The following HTR2A variants were observed in gnomAD, a reference collection of about 807,000 sequenced individuals.
The protein encoded by HTR2A is 5-HT2 receptor.
A neutral mutation model predicts 31.0 loss-of-function variants in HTR2A; 14 were observed. That is an observed-to-expected ratio of 0.45 (90% CI 0.30 to 0.71). The LOEUF (loss-of-function observed/expected upper bound fraction) is 0.71, where lower values mean the gene tolerates loss of function less well. Ranked by LOEUF, HTR2A falls within the 30% of genes least tolerant of loss-of-function variation. The pLI, the probability that HTR2A is intolerant of heterozygous loss-of-function variation, is 0.09. For missense variants in HTR2A, 442 were observed against 573.3 expected, an observed-to-expected ratio of 0.77 and a Z score of 2.34; for synonymous variants, 209 against 225.2, an observed-to-expected ratio of 0.93 and a Z score of 0.64.
intron 3 of HTR2A, among the ~76,000 whole-genome samples, chr13:46,882,386 T>C (rs1950973823): frequency 6.6e-6 from 1 of 152,160 alleles, no homozygotes; most frequent in African/African-American, 2.4e-5. Context: ...ATGAAGTCTA[T>C]GGGGAAACAA....
chr13:46,884,628 C>T (rs1451911475), intron 3 of HTR2A, among the ~76,000 whole-genome samples: 1 of 152,172 alleles, frequency 6.6e-6, no homozygotes, highest in Non-Finnish European at 1.5e-5. Flanking sequence ...TGCACCACTG[C>T]ACTCCAGCCT....
Position 46,835,609 on chromosome 13 carries a change from A to G in HTR2A, c.644T>C (p.Leu215Pro), listed in dbSNP as rs1289458135. Residue 215 changes from leucine to proline, a missense_variant, in exon 4 of 4, where the codon CTA becomes CCA. Coordinates refer to ENST00000542664, the MANE Select transcript of HTR2A (RefSeq NM_000621.5). ...CTTAAAGACCTTCGAATCGTCCTGT[A>G]GCCCAAAGACTGGTATTGGCATGGA... The part of the protein sequence containing the change: ...GISMPIPVFG[L>P]QDDSKVFKEG... 2 of 1,613,794 alleles carry G rather than the reference A, an allele frequency of 1.2e-6. No homozygotes were observed. The highest frequency in any genetic ancestry group is 1.7e-5 in the Admixed American group (1 of 59,968).
In HTR2A at chr13:46,885,324, T is replaced by C. The variant is rs181702990; in HGVS notation, c.613+7066A>G. ...TACGAGGCAGGATGGCGGGAGAGTT[T>C]ATCACTCTACTTGGTATGGAGGGCG... is the stretch of plus-strand genomic sequence containing the variant. On this transcript the variant is annotated intron_variant, in intron 3 of 3. Coordinates refer to ENST00000542664, the MANE Select transcript of HTR2A (RefSeq NM_000621.5). 1.6e-4 allele frequency among the ~76,000 whole-genome samples: 24 copies of C among 152,272 alleles called. No homozygotes were observed. The East Asian group carries it at 3.5e-3, about 22-fold the overall frequency.
At chr13:46,894,234 G>A (rs551093119) in intron 2 of HTR2A, among the ~76,000 whole-genome samples, 4 of 152,210 alleles carry the variant, frequency 2.6e-5, no homozygotes, top group Admixed American at 2.6e-4. Flanking sequence ...TCAGAGCGGC[G>A]GCCGCCAGGG....
At position 46,895,728 on chromosome 13, in the gene HTR2A, C is replaced by A. The variant is rs763386955; in HGVS notation, c.179G>T (p.Cys60Phe). The change falls in exon 2 of 4, where the codon TGC (cysteine) becomes TTC (phenylalanine). Residue 60 changes from cysteine (C) to phenylalanine (F), a missense_variant. By Grantham distance (205) the Cys-to-Phe change is radical (BLOSUM62 -2). This residue lies in a region of HTR2A where 83 missense variants were observed against 84.8 expected (regional missense o/e 0.98). Transcript: ENST00000542664. The surrounding 1 kb of genome is among the most constrained non-coding windows in gnomAD (Gnocchi z 4.4). ...TAAGGAGAGACACGACGGTGAGAGG[C>A]ACCCTTCACAGGAAAGGTTGGTTCG... ...ENRTNLSCEGCLSPSCLSLLH... is the reference protein window; with the variant it reads ...ENRTNLSCEGFLSPSCLSLLH... 1.9e-6 allele frequency: 3 copies of A among 1,614,150 alleles called. No individual in the cohort carries two copies. Among genetic ancestry groups the A allele is most frequent in the Non-Finnish European group, 2.5e-6 (3 of 1,180,014 alleles).
At position 46,896,215 on chromosome 13, in the gene HTR2A, C is replaced by T. The variant is rs1214077756; in HGVS notation, c.-309G>A. ...TAGAGGTTGCAGGGTTTTTTTTGAG[C>T]GCTCGGGAAGATAAATGTCCTGGAC... is the stretch of plus-strand genomic sequence containing the variant. On this transcript the variant is annotated 5_prime_UTR_variant, in exon 2 of 4. Coordinates refer to ENST00000542664, the MANE Select transcript of HTR2A (RefSeq NM_000621.5). 6.1e-6 allele frequency: 7 copies of T among 1,146,648 alleles called. No individual in the cohort carries two copies. The highest frequency in any genetic ancestry group is 7.5e-6 in the Non-Finnish European group (7 of 934,752). 71.0% of individuals were successfully genotyped at this position (1,146,648 alleles called of 1,614,324 possible).
At position 46,833,351 on chromosome 13, in the gene HTR2A, ATTTTCTTT is replaced by A. The variant is rs1197121356; in HGVS notation, c.*1478_*1485del. Reference sequence around the variant, plus strand: ...TGACTAAGACCATTTCAGTTTAGTCATTTTCTTTTTTTCTTTCTTTTTTTTTGTGATAG... The same window carrying A: ...TGACTAAGACCATTTCAGTTTAGTCATTTTCTTTCTTTTTTTTTGTGATAG... On this transcript the variant is annotated 3_prime_UTR_variant, in exon 4 of 4. Coordinates refer to ENST00000542664, the MANE Select transcript of HTR2A (RefSeq NM_000621.5). 164 of 151,476 alleles carry A rather than the reference ATTTTCTTT, an allele frequency of 1.1e-3. 1 individual carries two copies. Among genetic ancestry groups the A allele is most frequent in the African/African-American group, 3.9e-3 (161 of 41,060 alleles). The allele number at this position is 151,476 out of a possible 1,614,324, so 9.4% of individuals were successfully genotyped here.
At position 46,835,242 on chromosome 13, in the gene HTR2A, G is replaced by T; in HGVS notation, c.1011C>A (p.Cys337Ter). Residue 337 changes from cysteine to a stop codon, truncating the protein, a stop_gained, in exon 4 of 4, where the codon TGC (cysteine) becomes TGA (stop). Transcript: ENST00000542664. LOFTEE classifies it high-confidence loss of function. ...CCATGATGTTTGTGATGAAGAAAGG[G>T]CACCACATCACCACAAACAGGAAGA... ...IVFFLFVVMW[C>*]PFFITNIMAV... is the part of the protein sequence containing the mutation. 1 of 1,614,072 alleles carries T rather than the reference G, an allele frequency of 6.2e-7. No homozygotes were observed. Among genetic ancestry groups the T allele is most frequent in the Non-Finnish European group, 8.5e-7 (1 of 1,180,004 alleles).
chr13:46,873,310 C>G (rs1277619658), intron 3 of HTR2A, among the ~76,000 whole-genome samples: 1 of 151,508 alleles, frequency 6.6e-6, no homozygotes, highest in Non-Finnish European at 1.5e-5. Context: ...ATATTTAATA[C>G]TTTCTGATCA....
chr13:46,872,575 AT>A, intron 3 of HTR2A, among the ~76,000 whole-genome samples: 1 of 152,278 alleles, frequency 6.6e-6, no homozygotes, highest in African/African-American at 2.4e-5. Flanking sequence ...ATGTCTGTTT[AT>A]TTGACCACTC....
At chr13:46,897,606 A>G (rs905460311), upstream of HTR2A, among the ~76,000 whole-genome samples, 19 of 152,164 alleles carry the variant, frequency 1.2e-4, no homozygotes, top group African/African-American at 4.1e-4. Flanking sequence ...AGTAATGACA[A>G]CTTGCCTTAC....
intron 3 of HTR2A, among the ~76,000 whole-genome samples, chr13:46,887,536 A>T (rs1261446645): frequency 1.3e-5 from 2 of 152,028 alleles, no homozygotes; most frequent in Non-Finnish European, 2.9e-5. Context: ...GAAAAGAGAA[A>T]TCCCTAGGTA....
At chr13:46,894,806 T>G (rs1951088575) in intron 2 of HTR2A, among the ~76,000 whole-genome samples, 1 of 152,180 alleles carries the variant, frequency 6.6e-6, no homozygotes, top group Non-Finnish European at 1.5e-5. Flanking sequence ...CCCTTCCCAT[T>G]TGTTTCCCAC....
At chr13:46,853,407 G>C (rs1255305151) in intron 3 of HTR2A, among the ~76,000 whole-genome samples, 2 of 152,246 alleles carry the variant, frequency 1.3e-5, no homozygotes, top group African/African-American at 4.8e-5. Context: ...AAGCCAGCAG[G>C]TTGCTCTCTT....
intron 3 of HTR2A, among the ~76,000 whole-genome samples, chr13:46,868,788 T>A (rs1359863706): frequency 6.6e-6 from 1 of 152,202 alleles, no homozygotes; most frequent in Non-Finnish European, 1.5e-5. Flanking sequence ...TTATATAATG[T>A]TATTTCTAAA....
intron 3 of HTR2A, among the ~76,000 whole-genome samples, chr13:46,872,368 AT>A (rs1482263997): frequency 1.3e-5 from 2 of 152,226 alleles, no homozygotes; most frequent in African/African-American, 4.8e-5. Flanking sequence ...AAGTGCTAAT[AT>A]TAACAAGCGT....
rs1160308755 is a variant in HTR2A, at chr13:46,895,575, T to TA, written c.331dup (p.Tyr111LeufsTer10). On this transcript the variant is annotated frameshift_variant, in exon 2 of 4. Transcript: ENST00000542664. LOFTEE classifies it high-confidence loss of function. The surrounding 1 kb of genome is among the most constrained non-coding windows in gnomAD (Gnocchi z 4.4). ...AGCTATGGCAAGTGACATCAGGAAA[T>TA]AGTTGGTGGCATTCTGCAGCTTTTT... 1 of 1,614,078 alleles carries TA rather than the reference T, an allele frequency of 6.2e-7. No individual in the cohort carries two copies. Among genetic ancestry groups the TA allele is most frequent in the Admixed American group, 1.7e-5 (1 of 60,022 alleles).
intron 3 of HTR2A, among the ~76,000 whole-genome samples, chr13:46,851,822 G>A (rs1288361144): frequency 6.6e-6 from 1 of 152,226 alleles, no homozygotes; most frequent in Non-Finnish European, 1.5e-5. Flanking sequence ...CCCCAAAGAT[G>A]CCTACGCCTA....
intron 3 of HTR2A, among the ~76,000 whole-genome samples, chr13:46,858,415 C>T (rs1179224659): frequency 6.6e-6 from 1 of 152,078 alleles, no homozygotes; most frequent in African/African-American, 2.4e-5. Flanking sequence ...ATGAGACTTA[C>T]ATGCCATGAG....
Sources: gnomAD v4.1 joint callset for allele counts (sites outside exome capture counted in the v4.1 genomes callset) on GRCh38, gnomAD v4.1.1 for gene constraint, gnomAD v4.1.1 regional missense constraint, Gnocchi (gnomAD v3.1) non-coding constraint, MANE v1.5 for transcripts, NCBI Gene and HGNC (gene_info 2026-07-23, HGNC 2026-07-21) for gene names.